Variants in ITFG1 observed in about 807,000 individuals in gnomAD.
ITFG1 encodes the protein T-cell immunomodulatory protein.
Under a neutral mutation model 81.8 loss-of-function variants are expected in ITFG1, and 34 were observed. The observed-to-expected ratio is 0.42, with a 90% confidence interval of 0.32 to 0.55. ITFG1 has a LOEUF of 0.55. Among genes scored for constraint, ITFG1 ranks in the 20% least tolerant of loss-of-function variants. The pLI is 0.17. For missense variants in ITFG1, 672 were observed against 755.4 expected, an observed-to-expected ratio of 0.89 and a Z score of 1.29; for synonymous variants, 285 against 270.6, an observed-to-expected ratio of 1.05 and a Z score of -0.52.
intron 14 of ITFG1, among the ~76,000 whole-genome samples, chr16:47,189,383 C>G (rs1009406948): frequency 6.6e-6 from 1 of 152,186 alleles, no homozygotes; most frequent in African/African-American, 2.4e-5. Context: ...CTCCCTCCAG[C>G]CCCTGGTAAC....
At chr16:47,422,136 C>T (rs1252544231) in intron 6 of ITFG1, among the ~76,000 whole-genome samples, 3 of 152,318 alleles carry the variant, frequency 2.0e-5, no homozygotes, top group South Asian at 2.1e-4. Context: ...CCACAATAAA[C>T]ATACGTGTGC....
chr16:47,206,006 C>T (rs923505675), intron 14 of ITFG1, among the ~76,000 whole-genome samples: 2 of 152,080 alleles, frequency 1.3e-5, no homozygotes, highest in Middle Eastern at 3.2e-3. Flanking sequence ...GCTGCGACTA[C>T]AGGCGCCCGC....
chr16:47,218,812 C>A, intron 14 of ITFG1, 56 bp downstream of exon 14: 1 of 1,050,380 alleles, frequency 9.5e-7, no homozygotes, highest in Non-Finnish European at 1.4e-6. Context: ...GTTTACCTTG[C>A]TAATATATTG....
intron 14 of ITFG1, among the ~76,000 whole-genome samples, chr16:47,192,869 G>A (rs1022001717): frequency 6.6e-6 from 1 of 152,172 alleles, no homozygotes; most frequent in Non-Finnish European, 1.5e-5. Flanking sequence ...CTCTAAGGCT[G>A]GGCCTCCAGG....
At chr16:47,352,363 G>A (rs1291339337) in intron 8 of ITFG1, among the ~76,000 whole-genome samples, 6 of 151,610 alleles carry the variant, frequency 4.0e-5, no homozygotes, top group Non-Finnish European at 7.4e-5. Flanking sequence ...AATTTACAAG[G>A]AAAAAACAAA....
chr16:47,327,399 C>G (rs1967565714), intron 8 of ITFG1, among the ~76,000 whole-genome samples: 1 of 152,142 alleles, frequency 6.6e-6, no homozygotes, highest in Admixed American at 6.5e-5. Flanking sequence ...CAATACCATT[C>G]AGGACACAGG....
At chr16:47,397,490 T>C (rs983712756) in intron 6 of ITFG1, among the ~76,000 whole-genome samples, 8 of 152,228 alleles carry the variant, frequency 5.3e-5, no homozygotes, top group African/African-American at 1.9e-4. Flanking sequence ...TGTAGACAGG[T>C]TGACAGCTTA....
In ITFG1 at chr16:47,454,146, T is replaced by C. The variant is rs1219601499; in HGVS notation, c.294A>G (p.Ala98=). 2 of 1,603,346 alleles carry C rather than the reference T, an allele frequency of 1.2e-6. No individual in the cohort carries two copies. Among genetic ancestry groups the C allele is most frequent in the Non-Finnish European group, 1.7e-6 (2 of 1,173,356 alleles). The change falls in exon 3 of 18, where the codon GCA becomes GCG. Residue 98 remains alanine (A), a synonymous_variant. Coordinates refer to ENST00000320640, the MANE Select transcript of ITFG1 (RefSeq NM_030790.5). The part of the protein sequence containing the change: ...KVKVSFKNHS[A]LITSVVPGDY... ...CCCCAGGGACTACACTTGTTATCAA[T>C]GCACTGTGATTCCTAAAAGAAACAA...
At chr16:47,231,981 C>T (rs1965820862) in intron 13 of ITFG1, among the ~76,000 whole-genome samples, 2 of 152,112 alleles carry the variant, frequency 1.3e-5, no homozygotes, top group Non-Finnish European at 2.9e-5. Context: ...GCATTAGTGC[C>T]AGTGATTTGA....
At chr16:47,349,761 T>C (rs1967921625) in intron 8 of ITFG1, among the ~76,000 whole-genome samples, 1 of 152,214 alleles carries the variant, frequency 6.6e-6, no homozygotes, top group South Asian at 2.1e-4. Context: ...ATATACATTC[T>C]TCTCAGCACC....
At chr16:47,456,245 C>G (rs1969451474) in intron 2 of ITFG1, among the ~76,000 whole-genome samples, 1 of 151,874 alleles carries the variant, frequency 6.6e-6, no homozygotes, top group South Asian at 2.1e-4. Flanking sequence ...GGCACATCAT[C>G]ATGAAATCAG....
chr16:47,154,433 T>G lies in ITFG1; in HGVS notation c.*1286A>C, dbSNP rs1328759796. On this transcript the variant is annotated 3_prime_UTR_variant, in exon 18 of 18. Transcript: ENST00000320640. ...TATTAAGAAGACATGTTAACATGCT[T>G]AGATACAAAGTAAAAACACATGCCA... 6.6e-6 allele frequency: 1 copy of G among 152,170 alleles called. No individual in the cohort carries two copies. The highest frequency in any genetic ancestry group is 1.5e-5 in the Non-Finnish European group (1 of 68,028). 9.4% of individuals were successfully genotyped at this position (152,170 alleles called of 1,614,324 possible). A position where few individuals can be genotyped will look rare whatever the true frequency, so the allele number is the denominator to read the frequency against.
chr16:47,205,013 C>T (rs1237662404), intron 14 of ITFG1, among the ~76,000 whole-genome samples: 1 of 152,192 alleles, frequency 6.6e-6, no homozygotes, highest in Non-Finnish European at 1.5e-5. Context: ...AAATCTTTTC[C>T]TAATTCATCT....
At chr16:47,356,256 A>G (rs748667108) in intron 8 of ITFG1, among the ~76,000 whole-genome samples, 1 of 152,260 alleles carries the variant, frequency 6.6e-6, no homozygotes, top group Admixed American at 6.5e-5. Context: ...AATATTTTCT[A>G]TGAAATAGTT....
chr16:47,415,803 T>C (rs143857037), intron 6 of ITFG1, among the ~76,000 whole-genome samples: 17 of 152,204 alleles, frequency 1.1e-4, no homozygotes, highest in African/African-American at 3.1e-4. Context: ...TTCACCTCTT[T>C]AAAAATCTTG....
chr16:47,394,382 C>T (rs995196520), intron 6 of ITFG1, among the ~76,000 whole-genome samples: 3 of 152,144 alleles, frequency 2.0e-5, no homozygotes, highest in African/African-American at 7.2e-5. Context: ...GCTCACTTTG[C>T]CTTCCTGGTA....
chr16:47,232,979 T>TTTTTA (rs1965832735), intron 13 of ITFG1, among the ~76,000 whole-genome samples: 1 of 152,106 alleles, frequency 6.6e-6, no homozygotes, highest in Non-Finnish European at 1.5e-5. Context: ...TTCATAGATT[T>TTTTTA]TGCAAATTTT....
At chr16:47,262,452 C>T (rs2151542946) in intron 10 of ITFG1, among the ~76,000 whole-genome samples, 1 of 152,296 alleles carries the variant, frequency 6.6e-6, no homozygotes, top group Middle Eastern at 3.4e-3. Context: ...ATGTAGCACA[C>T]TCTGTTATTA....
chr16:47,177,897 T>A (rs1233454479), intron 14 of ITFG1, among the ~76,000 whole-genome samples: 1 of 152,236 alleles, frequency 6.6e-6, no homozygotes, highest in Non-Finnish European at 1.5e-5. Flanking sequence ...CAGTAATTGC[T>A]AAGGGACTAT....
Sources: gnomAD v4.1 joint callset for allele counts (sites outside exome capture counted in the v4.1 genomes callset) on GRCh38, gnomAD v4.1.1 for gene constraint, MANE v1.5 for transcripts, NCBI Gene and HGNC (gene_info 2026-07-23, HGNC 2026-07-21) for gene names.